Variants in INSR observed in about 807,000 individuals in gnomAD.
INSR encodes the protein insulin receptor.
INSR carries 67 observed loss-of-function variants against 142.6 expected under a neutral mutation model. That is an observed-to-expected ratio of 0.47 (90% CI 0.39 to 0.58). INSR has a LOEUF of 0.58. Ranked by LOEUF, INSR falls within the 20% of genes least tolerant of loss-of-function variation. The pLI, the probability that INSR is intolerant of heterozygous loss-of-function variation, is 0.00. For synonymous variants in INSR, 756 were observed against 743.1 expected (o/e 1.02, Z -0.28); for missense variants, 1,248 against 1,833.2 (o/e 0.68, Z 5.83).
At chr19:7,221,479 G>T (rs1248676371) in intron 2 of INSR, among the ~76,000 whole-genome samples, 1 of 152,014 alleles carries the variant, frequency 6.6e-6, no homozygotes, top group Non-Finnish European at 1.5e-5. Flanking sequence ...AGGCCGAGGC[G>T]GGCGGATCAC....
At chr19:7,211,528 C>T (rs994119185) in intron 2 of INSR, among the ~76,000 whole-genome samples, 1 of 152,106 alleles carries the variant, frequency 6.6e-6, no homozygotes, top group African/African-American at 2.4e-5. Context: ...ACGACCTGGG[C>T]CTTTGGGGTC....
rs75542342 is a variant in INSR, at chr19:7,112,933, A to G, written c.*4123T>C. On this transcript the variant is annotated 3_prime_UTR_variant, in exon 22 of 22. Coordinates refer to ENST00000302850, the MANE Select transcript of INSR (RefSeq NM_000208.4). ...CATATAAATTAATATTCTGAAGAAC[A>G]TGCTGGAAGATTTTCTGAAGTGACA... The G allele has an allele frequency of 6.6e-6, 1 of 152,298 alleles. No homozygotes were observed. The highest frequency in any genetic ancestry group is 1.9e-4 in the East Asian group (1 of 5,190). The allele number at this position is 152,298 out of a possible 1,614,324, so 9.4% of individuals were successfully genotyped here.
At chr19:7,132,078 C>T (rs1972797329) in intron 14 of INSR, 80 bp downstream of exon 14, 1 of 1,583,448 alleles carries the variant, frequency 6.3e-7, no homozygotes, top group Non-Finnish European at 8.7e-7. Flanking sequence ...TGCGGCCTCT[C>T]CAAGTCATCC....
At chr19:7,140,958 T>C (rs1305286697) in intron 13 of INSR, among the ~76,000 whole-genome samples, 1 of 152,210 alleles carries the variant, frequency 6.6e-6, no homozygotes, top group African/African-American at 2.4e-5. Context: ...TTGGATTCTA[T>C]GTCTTGTGCA....
In INSR at chr19:7,113,910, A is replaced by T. The variant is rs983464643; in HGVS notation, c.*3146T>A. ...AGGTGAGTCTGCAAGGGCAGTGCCTAAAAGTACAAGAGCAGCAAGATTTGG... is the reference window on the plus strand; with the variant it reads ...AGGTGAGTCTGCAAGGGCAGTGCCTTAAAGTACAAGAGCAGCAAGATTTGG... On this transcript the variant is annotated 3_prime_UTR_variant, in exon 22 of 22. Coordinates refer to ENST00000302850, the MANE Select transcript of INSR (RefSeq NM_000208.4). The T allele has an allele frequency of 1.3e-5, 2 of 152,122 alleles. No homozygotes were observed. Among genetic ancestry groups the T allele is most frequent in the Non-Finnish European group, 2.9e-5 (2 of 68,050 alleles). The allele number at this position is 152,122 out of a possible 1,614,324, so 9.4% of individuals were successfully genotyped here.
intron 2 of INSR, among the ~76,000 whole-genome samples, chr19:7,194,447 A>C (rs549432034): frequency 2.0e-5 from 3 of 149,640 alleles, no homozygotes; most frequent in South Asian, 2.1e-4. Flanking sequence ...TCTTTGCCTT[A>C]TTACAAAATC....
intron 3 of INSR, among the ~76,000 whole-genome samples, chr19:7,180,798 A>G (rs7258229): frequency 0.081 from 12,337 of 152,074 alleles, 614 homozygotes; most frequent in African/African-American, 0.13. Flanking sequence ...TGCGGTAACG[A>G]CCACCACGGC....
In INSR at chr19:7,192,962, C is replaced by T. The variant is rs1334061820; in HGVS notation, c.653-8325G>A. On this transcript the variant is annotated intron_variant, in intron 2 of 21. Transcript: ENST00000302850. The surrounding 1 kb of genome is among the most constrained non-coding windows in gnomAD (Gnocchi z 4.2). ...CGCTGTGTCAGAGTCCTCTGGTGGA[C>T]CCTCCCCAAGAAAGACAATGTCCCC... Among the ~76,000 whole-genome samples, 1 of 152,100 alleles carries T rather than the reference C, an allele frequency of 6.6e-6. No homozygotes were observed. The highest frequency in any genetic ancestry group is 2.1e-4 in the South Asian group (1 of 4,830).
chr19:7,189,393 A>C (rs1410208030), intron 2 of INSR, among the ~76,000 whole-genome samples: 2 of 152,230 alleles, frequency 1.3e-5, no homozygotes, highest in Admixed American at 1.3e-4. Context: ...CCTAGCTGAC[A>C]GGCCTATCTG....
At chr19:7,241,562 C>T (rs1976343673) in intron 2 of INSR, among the ~76,000 whole-genome samples, 1 of 152,084 alleles carries the variant, frequency 6.6e-6, no homozygotes, top group East Asian at 1.9e-4. Context: ...GCAGAGGTTG[C>T]AGTGAGCTGA....
chr19:7,286,190 C>T (rs1038340993), intron 1 of INSR, among the ~76,000 whole-genome samples: 4 of 151,678 alleles, frequency 2.6e-5, no homozygotes, highest in African/African-American at 9.7e-5. Context: ...GCTATGTTAC[C>T]CAGGCTGGTC....
intron 19 of INSR, 27 bp from the exon 20 acceptor site, chr19:7,120,776 C>T (rs376750105): frequency 5.0e-6 from 8 of 1,611,934 alleles, no homozygotes; most frequent in Admixed American, 1.7e-5. Context: ...TTCACACGCT[C>T]TTAACCTTCA....
chr19:7,202,773 T>C (rs1358077882), intron 2 of INSR, among the ~76,000 whole-genome samples: 1 of 152,228 alleles, frequency 6.6e-6, no homozygotes, highest in Non-Finnish European at 1.5e-5. Context: ...AGTGCTGGGA[T>C]TACAGGCGTG....
chr19:7,153,057 A>ACACACAC (rs1973437130), intron 9 of INSR, 130 bp from the exon 10 acceptor site: 1 of 326,766 alleles, frequency 3.1e-6, no homozygotes, highest in African/African-American at 4.2e-5. Flanking sequence ...ACCCCCCCAC[A>ACACACAC]CACACACACC....
intron 2 of INSR, among the ~76,000 whole-genome samples, chr19:7,239,919 A>G (rs916535747): frequency 1.3e-5 from 2 of 152,206 alleles, no homozygotes; most frequent in African/African-American, 4.8e-5. Flanking sequence ...ATGGTGAGGA[A>G]GATCGCAGAG....
intron 9 of INSR, 77 bp from the exon 10 acceptor site, chr19:7,153,004 A>ACACAC (rs1973420962): frequency 1.4e-6 from 1 of 696,486 alleles, no homozygotes; most frequent in South Asian, 1.7e-5. Context: ...CACCCCACAC[A>ACACAC]CACACACACC....
intron 1 of INSR, chr19:7,268,417 G>A: frequency 1.0e-6 from 1 of 984,934 alleles, no homozygotes; most frequent in African/African-American, 1.7e-5. Flanking sequence ...TTTTACCTGG[G>A]TGTGGTGAGG....
intron 1 of INSR, among the ~76,000 whole-genome samples, chr19:7,271,433 G>T (rs1314025632): frequency 6.6e-6 from 1 of 151,888 alleles, no homozygotes. Flanking sequence ...CTGGGAGGTG[G>T]AGGTTGCAGT....
At chr19:7,201,493 T>C (rs12608575) in intron 2 of INSR, among the ~76,000 whole-genome samples, 113,723 of 149,804 alleles carry the variant, frequency 0.76, 43,341 homozygotes, top group African/African-American at 0.81. Flanking sequence ...GGTGTGGTGG[T>C]GGGCGCCTGT....
Sources: gnomAD v4.1 joint callset for allele counts (sites outside exome capture counted in the v4.1 genomes callset) on GRCh38, gnomAD v4.1.1 for gene constraint, Gnocchi (gnomAD v3.1) non-coding constraint, MANE v1.5 for transcripts, NCBI Gene and HGNC (gene_info 2026-07-23, HGNC 2026-07-21) for gene names.